HSPG2: variants seen among roughly 807,000 people sequenced by gnomAD.
HSPG2 encodes basement membrane-specific heparan sulfate proteoglycan core protein.
HSPG2 carries 278 observed loss-of-function variants against 526.6 expected under a neutral mutation model. The ratio of observed to expected loss-of-function variants is 0.53; its 90% CI spans 0.48 to 0.58. HSPG2 has a LOEUF of 0.58. HSPG2 is among the 20% of genes least tolerant of loss of function. HSPG2 has a pLI of 0.00. For missense variants in HSPG2, 5,354 were observed against 6,099.5 expected (o/e 0.88, Z 4.07); for synonymous variants, 2,465 against 2,555.4 (o/e 0.96, Z 1.07).
In HSPG2 at chr1:21,838,887, T is replaced by A; in HGVS notation, c.10088A>T (p.Tyr3363Phe). ...ERAAPEDSGR[Y>F]RCRVTNKVGS... ...CACCTTGTTGGTGACCCGGCAGCGGTAGCGGCCTGAGTCCTCAGGGGCTGC... is the reference window on the plus strand; with the variant it reads ...CACCTTGTTGGTGACCCGGCAGCGGAAGCGGCCTGAGTCCTCAGGGGCTGC... The change falls in exon 74 of 97, where the codon TAC (tyrosine) becomes TTC (phenylalanine). Residue 3363 changes from tyrosine to phenylalanine, a missense_variant. Physicochemically the swap from Tyr to Phe is conservative, Grantham distance 22. Transcript: ENST00000374695. 1 of 1,612,666 alleles carries A rather than the reference T, an allele frequency of 6.2e-7. No homozygotes were observed. Among genetic ancestry groups the A allele is most frequent in the Non-Finnish European group, 8.5e-7 (1 of 1,179,670 alleles).
chr1:21,857,112 GGT>G lies in HSPG2; in HGVS notation c.5476_5477del (p.Thr1826HisfsTer8), dbSNP rs1289503112. Reference protein sequence around the residue: ...TRAMDFNGILTIRNVQLSDAG... With the variant: ...TRAMDFNGILXIRNVQLSDAG... The stretch of plus-strand genomic sequence containing the variant: ...CATCACTCAGCTGGACGTTGCGAAT[GGT>G]CAGGATGCCATTGAAATCCATGGCT... On this transcript the variant is annotated frameshift_variant, in exon 44 of 97. Transcript: ENST00000374695. LOFTEE classifies it high-confidence loss of function. 1.9e-6 allele frequency: 3 copies of G among 1,614,168 alleles called. No individual in the cohort carries two copies. Among genetic ancestry groups the G allele is most frequent in the Non-Finnish European group, 2.5e-6 (3 of 1,180,046 alleles).
chr1:21,910,057 C>T (rs1162849808), intron 1 of HSPG2, among the ~76,000 whole-genome samples: 1 of 152,206 alleles, frequency 6.6e-6, no homozygotes, highest in Non-Finnish European at 1.5e-5. Context: ...AATGCCACCG[C>T]ACCATATAGG....
At chr1:21,853,493 C>G (rs1053877033) in intron 50 of HSPG2, 12 of 202,232 alleles carry the variant, frequency 5.9e-5, no homozygotes, top group Non-Finnish European at 1.0e-4. Context: ...CCTATAATCC[C>G]AGCACTTTGG....
intron 91 of HSPG2, among the ~76,000 whole-genome samples, chr1:21,827,256 A>T (rs1384451352): frequency 6.6e-6 from 1 of 152,136 alleles, no homozygotes; most frequent in Non-Finnish European, 1.5e-5. Flanking sequence ...ATTTTATCCA[A>T]ATCTTTAGGG....
chr1:21,933,523 T>G (rs974911481), intron 1 of HSPG2, among the ~76,000 whole-genome samples: 4 of 152,164 alleles, frequency 2.6e-5, no homozygotes, highest in Non-Finnish European at 4.4e-5. Flanking sequence ...TCACCCGTCT[T>G]CCGGGCCCTG....
chr1:21,915,693 G>T (rs142606613), intron 1 of HSPG2, among the ~76,000 whole-genome samples: 2 of 152,160 alleles, frequency 1.3e-5, no homozygotes, highest in African/African-American at 2.4e-5. Context: ...GAAATGTTGC[G>T]TGCCTGCACT....
At chr1:21,853,900 G>T in intron 50 of HSPG2, 1 of 470,002 alleles carries the variant, frequency 2.1e-6, no homozygotes, top group South Asian at 2.4e-5. Flanking sequence ...GTTGCTAAGG[G>T]GCAGATCTGG....
At position 21,855,842 on chromosome 1, in the gene HSPG2, C is replaced by T. The variant is rs533624001; in HGVS notation, c.5646G>A (p.Leu1882=). 367 of 1,613,174 alleles carry T rather than the reference C, an allele frequency of 2.3e-4. 4 individuals carry two copies. In the South Asian group the frequency reaches 2.8e-3, roughly 12 times the overall value. ...PPQLTVQPGQ[L]AEFRCSATGS... ...CTGTGGCGCTGCAGCGGAACTCCGC[C>T]AGTTGCCCGGGCTGCACTGTGAGCT... The change falls in exon 45 of 97, where the codon CTG becomes CTA. Residue 1882 remains leucine (L), a synonymous_variant. Transcript: ENST00000374695.
intron 1 of HSPG2, among the ~76,000 whole-genome samples, chr1:21,909,706 C>T (rs1250644566): frequency 6.6e-6 from 1 of 152,230 alleles, no homozygotes; most frequent in Non-Finnish European, 1.5e-5. Context: ...ACCCCACCAA[C>T]CTCACCCCAG....
rs759721118 is a variant in HSPG2, at chr1:21,848,765, C to T, written c.7615G>A (p.Glu2539Lys). 7.4e-6 allele frequency: 12 copies of T among 1,613,646 alleles called. No homozygotes were observed. Among genetic ancestry groups the T allele is most frequent in the African/African-American group, 4.0e-5 (3 of 74,882 alleles). ...SQGVAYPVRI[E>K]SSSASLANGH... ...TTGGCCAGGGAGGCTGAGGAGGACT[C>T]GATGCGGACGGGGTACGCCACACCC... Residue 2539 changes from glutamate (E) to lysine (K), a missense_variant, in exon 59 of 97, where the codon GAG (glutamate) becomes AAG (lysine). By Grantham distance (56) the Glu-to-Lys change is moderately conservative (BLOSUM62 1). Transcript: ENST00000374695. The surrounding 1 kb of genome is among the most constrained non-coding windows in gnomAD (Gnocchi z 4.9).
chr1:21,864,312 C>T lies in HSPG2; in HGVS notation c.4627-99G>A. The stretch of plus-strand genomic sequence containing the variant: ...CCTCCAGTGTCCTCCCAGGGGTGAC[C>T]CTGGAACATCACAGGCCGGCGCCCC... On this transcript the variant is annotated intron_variant, in intron 36 of 96. Coordinates refer to ENST00000374695, the MANE Select transcript of HSPG2 (RefSeq NM_005529.7). The surrounding 1 kb of genome is among the most constrained non-coding windows in gnomAD (Gnocchi z 4.8). The T allele has an allele frequency of 1.0e-6, 1 of 980,974 alleles. No individual in the cohort carries two copies. Among genetic ancestry groups the T allele is most frequent in the South Asian group, 1.4e-5 (1 of 72,218 alleles). 60.8% of individuals were successfully genotyped at this position (980,974 alleles called of 1,614,324 possible).
chr1:21,832,554 C>G lies in HSPG2; in HGVS notation c.11148G>C (p.Leu3716=), dbSNP rs2098009189. 3 of 1,614,202 alleles carry G rather than the reference C, an allele frequency of 1.9e-6. No individual in the cohort carries two copies. The highest frequency in any genetic ancestry group is 8.5e-7 in the Non-Finnish European group (1 of 1,180,032). Residue 3716 remains leucine (L), a synonymous_variant, in exon 81 of 97, where the codon CTG becomes CTC. Transcript: ENST00000374695. ...AGATGAAGTCGGGCTGCCGGTTGGC[C>G]AGGTTGGTGGGGCTCCCTGGGACTC... is the stretch of plus-strand genomic sequence containing the variant. ...QKRVPGSPTN[L]ANRQPDFISF...
At chr1:21,886,656 G>A (rs966962747) in intron 9 of HSPG2, among the ~76,000 whole-genome samples, 20 of 152,278 alleles carry the variant, frequency 1.3e-4, no homozygotes, top group African/African-American at 4.3e-4. Flanking sequence ...TACCACAAGG[G>A]TGGGGAAGTG....
Position 21,842,262 on chromosome 1 carries a change from G to A in HSPG2, c.9029C>T (p.Pro3010Leu), listed in dbSNP as rs1295123446. 6.8e-6 allele frequency: 11 copies of A among 1,613,608 alleles called. No homozygotes were observed. The highest frequency in any genetic ancestry group is 5.0e-5 in the Admixed American group (3 of 59,992). The part of the protein sequence containing the change: ...EQEASFTVTV[P>L]PSEGSSYRLR... ...ACGGTAGGAAGACCCCTCACTGGGCGGGACGGTGACTGTGAAGGAGGCTTC... is the reference window on the plus strand; with the variant it reads ...ACGGTAGGAAGACCCCTCACTGGGCAGGACGGTGACTGTGAAGGAGGCTTC... The change falls in exon 68 of 97, where the codon CCG becomes CTG. Residue 3010 changes from proline (P) to leucine (L), a missense_variant. By Grantham distance (98) the Pro-to-Leu change is moderately conservative. Transcript: ENST00000374695.
At chr1:21,931,512 T>G (rs1644350274) in intron 1 of HSPG2, among the ~76,000 whole-genome samples, 2 of 151,906 alleles carry the variant, frequency 1.3e-5, no homozygotes, top group African/African-American at 4.8e-5. Context: ...CAGGGAGAGG[T>G]AGGCCCAGCA....
Position 21,848,504 on chromosome 1 carries a change from T to C in HSPG2, c.7737+139A>G. On this transcript the variant is annotated intron_variant, in intron 59 of 96. Coordinates refer to ENST00000374695, the MANE Select transcript of HSPG2 (RefSeq NM_005529.7). The surrounding 1 kb of genome is among the most constrained non-coding windows in gnomAD (Gnocchi z 4.9). ...CTTATTTCTGTATTCTCAGCACTGG[T>C]CTAGGACCCATCCAGCAAGGATACT... is the stretch of plus-strand genomic sequence containing the variant. The C allele has an allele frequency of 9.9e-7, 1 of 1,009,026 alleles. No homozygotes were observed. Among genetic ancestry groups the C allele is most frequent in the South Asian group, 1.3e-5 (1 of 76,820 alleles). The allele number at this position is 1,009,026 out of a possible 1,614,324, so 62.5% of individuals were successfully genotyped here.
chr1:21,908,011 G>A, intron 1 of HSPG2: 2 of 668,714 alleles, frequency 3.0e-6, no homozygotes, highest in Non-Finnish European at 5.5e-6. Flanking sequence ...GATGTAAAAT[G>A]CTACAGATAA....
chr1:21,851,261 C>T, intron 55 of HSPG2: 1 of 483,064 alleles, frequency 2.1e-6, no homozygotes, highest in Non-Finnish European at 3.8e-6. Context: ...GCGTAAGCCA[C>T]CGTGCCCGGC....
At chr1:21,838,420 C>G (rs1382571295) in intron 74 of HSPG2, among the ~76,000 whole-genome samples, 1 of 152,246 alleles carries the variant, frequency 6.6e-6, no homozygotes, top group East Asian at 1.9e-4. Flanking sequence ...CACTCATTCA[C>G]TGTTGTCCCT....
Sources: gnomAD v4.1 joint callset for allele counts (sites outside exome capture counted in the v4.1 genomes callset) on GRCh38, gnomAD v4.1.1 for gene constraint, Gnocchi (gnomAD v3.1) non-coding constraint, MANE v1.5 for transcripts, NCBI Gene and HGNC (gene_info 2026-07-23, HGNC 2026-07-21) for gene names.